Variants in KCND3 observed in about 807,000 individuals in gnomAD.
The protein encoded by KCND3 is potassium voltage-gated channel subfamily D member 3, also known as A-type voltage-gated potassium channel KCND3.
A neutral mutation model predicts 51.1 loss-of-function variants in KCND3; 9 were observed. The observed-to-expected ratio is 0.18, with a 90% CI of 0.11 to 0.31. The LOEUF is 0.31. Among genes scored for constraint, KCND3 ranks in the 10% least tolerant of loss-of-function variants. The pLI is 1.00. For synonymous variants in KCND3, 349 were observed against 368.0 expected, an observed-to-expected ratio of 0.95 and a Z score of 0.59; for missense variants, 526 against 903.8, an observed-to-expected ratio of 0.58 and a Z score of 5.36.
intron 2 of KCND3, among the ~76,000 whole-genome samples, chr1:111,821,208 C>T (rs2101597767): frequency 6.6e-6 from 1 of 152,266 alleles, no homozygotes; most frequent in East Asian, 1.9e-4. Context: ...TTTTCACGCC[C>T]CATCTGCAGA....
At chr1:111,956,193 G>A (rs1331913238) in intron 2 of KCND3, among the ~76,000 whole-genome samples, 4 of 152,024 alleles carry the variant, frequency 2.6e-5, no homozygotes, top group African/African-American at 4.8e-5. Context: ...CGCTTTGAGG[G>A]GAGGCTGCAC....
At chr1:111,894,091 C>T (rs999953843) in intron 2 of KCND3, among the ~76,000 whole-genome samples, 1 of 152,182 alleles carries the variant, frequency 6.6e-6, no homozygotes, top group Non-Finnish European at 1.5e-5. Context: ...TAGTGGCTTT[C>T]CACTGCACCT....
intron 2 of KCND3, among the ~76,000 whole-genome samples, chr1:111,886,479 T>C (rs1392994581): frequency 6.6e-6 from 1 of 152,248 alleles, no homozygotes; most frequent in East Asian, 1.9e-4. Context: ...ATGAAACCTG[T>C]CTTCAAACAT....
chr1:111,837,155 C>G (rs918909500), intron 2 of KCND3, among the ~76,000 whole-genome samples: 1 of 152,166 alleles, frequency 6.6e-6, no homozygotes, highest in Non-Finnish European at 1.5e-5. Flanking sequence ...AAGATCCAGA[C>G]AGGCTTAGGG....
intron 2 of KCND3, among the ~76,000 whole-genome samples, chr1:111,830,419 T>G (rs1369114547): frequency 2.0e-5 from 3 of 152,176 alleles, no homozygotes; most frequent in African/African-American, 7.2e-5. Flanking sequence ...CTCCTTGCAA[T>G]CCCTGGAGCA....
intron 2 of KCND3, among the ~76,000 whole-genome samples, chr1:111,931,005 T>C (rs1671945703): frequency 6.6e-6 from 1 of 152,224 alleles, no homozygotes; most frequent in African/African-American, 2.4e-5. Context: ...GTCTTTGTGA[T>C]GAAGGAAGCT....
chr1:111,814,250 G>C (rs2101581366), intron 2 of KCND3, among the ~76,000 whole-genome samples: 1 of 152,340 alleles, frequency 6.6e-6, no homozygotes, highest in South Asian at 2.1e-4. Context: ...CTAGGAGCAG[G>C]CTCGTGGAGG....
chr1:111,869,342 GCTTCCTCCTCAC>G lies in KCND3; in HGVS notation c.1107-82248_1107-82237del, dbSNP rs1440904193. Reference sequence around the variant, plus strand: ...GACCCCCCAGGAATCCTAGATATGAGCTTCCTCCTCACCTTCATCCAAATTTGTCCATCAGCC... The same window carrying G: ...GACCCCCCAGGAATCCTAGATATGAGCTTCATCCAAATTTGTCCATCAGCC... On this transcript the variant is annotated intron_variant, in intron 2 of 7. Transcript: ENST00000302127. Among the ~76,000 whole-genome samples, 5 of 152,132 alleles carry G rather than the reference GCTTCCTCCTCAC, an allele frequency of 3.3e-5. No homozygotes were observed. The East Asian group carries it at 9.6e-4, about 29-fold the overall frequency.
chr1:111,974,530 C>G (rs1488350279), intron 2 of KCND3, among the ~76,000 whole-genome samples: 1 of 152,184 alleles, frequency 6.6e-6, no homozygotes, highest in Admixed American at 6.5e-5. Flanking sequence ...AAAGTCTCTG[C>G]TCCTCTCCCT....
intron 2 of KCND3, among the ~76,000 whole-genome samples, chr1:111,838,497 A>C (rs1667174554): frequency 1.3e-5 from 2 of 152,120 alleles, no homozygotes; most frequent in African/African-American, 4.8e-5. Context: ...CTCTACTAAA[A>C]ATACAAAAAA....
intron 2 of KCND3, among the ~76,000 whole-genome samples, chr1:111,894,677 C>A (rs1670012402): frequency 6.6e-6 from 1 of 152,214 alleles, no homozygotes. Flanking sequence ...CTAGCTGGGA[C>A]TGGCGGAGGC....
Position 111,784,857 on chromosome 1 carries a change from C to G in KCND3, c.1269+2087G>C, listed in dbSNP as rs192255584. 2.0e-5 allele frequency among the ~76,000 whole-genome samples: 3 copies of G among 152,144 alleles called. No individual in the cohort carries two copies. In the East Asian group the frequency reaches 5.8e-4, roughly 29 times the overall value. ...GGGTCAGGGTGGGAGGGAGACCCAT[C>G]TTTAGCAGCGAGAGGAAGGAAGAAG... On this transcript the variant is annotated intron_variant, in intron 3 of 7. Transcript: ENST00000302127.
intron 2 of KCND3, among the ~76,000 whole-genome samples, chr1:111,842,013 G>A (rs952729077): frequency 2.6e-5 from 4 of 152,168 alleles, no homozygotes; most frequent in African/African-American, 9.7e-5. Flanking sequence ...CTAGGCCAGG[G>A]CCCATTGGGA....
intron 2 of KCND3, among the ~76,000 whole-genome samples, chr1:111,949,668 C>T (rs1672960077): frequency 1.3e-5 from 2 of 152,026 alleles, no homozygotes; most frequent in Non-Finnish European, 2.9e-5. Context: ...CTCCCACCCT[C>T]ATATTTTTAG....
intron 2 of KCND3, among the ~76,000 whole-genome samples, chr1:111,876,696 G>C (rs1669065644): frequency 6.6e-6 from 1 of 152,220 alleles, no homozygotes; most frequent in African/African-American, 2.4e-5. Flanking sequence ...GGTAGGCAAA[G>C]AGACAGATTT....
chr1:111,859,322 ACCT>A (rs1668230573), intron 2 of KCND3, among the ~76,000 whole-genome samples: 1 of 152,070 alleles, frequency 6.6e-6, no homozygotes, highest in Non-Finnish European at 1.5e-5. Flanking sequence ...TCTCAGCATT[ACCT>A]CCTCTGAGAA....
At chr1:111,844,831 G>A (rs530001843) in intron 2 of KCND3, among the ~76,000 whole-genome samples, 5 of 152,238 alleles carry the variant, frequency 3.3e-5, no homozygotes, top group Non-Finnish European at 5.9e-5. Context: ...GGTACACCCA[G>A]CATCTTGGTC....
At chr1:111,785,541 G>A (rs1664565750) in intron 3 of KCND3, among the ~76,000 whole-genome samples, 1 of 152,170 alleles carries the variant, frequency 6.6e-6, no homozygotes, top group Non-Finnish European at 1.5e-5. Context: ...AGCAGAGGCA[G>A]AGGGGACAGC....
At chr1:111,874,094 C>T (rs1224161223) in intron 2 of KCND3, among the ~76,000 whole-genome samples, 4 of 152,184 alleles carry the variant, frequency 2.6e-5, no homozygotes, top group African/African-American at 9.6e-5. Flanking sequence ...TTAATTGCTG[C>T]GCACTCACAG....
Sources: allele counts gnomAD v4.1 joint callset (sites outside exome capture counted in the v4.1 genomes callset), GRCh38; gene constraint gnomAD v4.1.1; transcripts MANE v1.5; gene names NCBI Gene and HGNC (gene_info 2026-07-23, HGNC 2026-07-21).